Variants in BNC2 observed in about 807,000 individuals in gnomAD.
The protein encoded by BNC2 is zinc finger protein basonuclin-2.
A neutral mutation model predicts 76.3 loss-of-function variants in BNC2; 20 were observed. The ratio of observed to expected loss-of-function variants is 0.26; its 90% CI spans 0.18 to 0.38. The LOEUF (loss-of-function observed/expected upper bound fraction) is 0.38. BNC2 is among the 10% of genes least tolerant of loss of function. BNC2 has a pLI of 1.00. For missense variants in BNC2, 1,382 were observed against 1,399.8 expected (o/e 0.99, Z 0.20); for synonymous variants, 582 against 514.8 (o/e 1.13, Z -1.77).
At chr9:16,707,076 C>A (rs988231156) in intron 3 of BNC2, among the ~76,000 whole-genome samples, 1 of 152,092 alleles carries the variant, frequency 6.6e-6, no homozygotes, top group African/African-American at 2.4e-5. Context: ...ATGGTGGGCG[C>A]CTGTAGTCCC....
chr9:16,502,581 A>C (rs1177714236), intron 5 of BNC2, among the ~76,000 whole-genome samples: 1 of 151,822 alleles, frequency 6.6e-6, no homozygotes, highest in African/African-American at 2.4e-5. Context: ...CTTGGGGTGA[A>C]TGGCTTACTT....
In BNC2 at chr9:16,746,346, T is replaced by A. The variant is rs142092156; in HGVS notation, c.4-7861A>T. Among the ~76,000 whole-genome samples the A allele has an allele frequency of 3.7e-3, 561 of 152,092 alleles. 5 individuals carry two copies. The highest frequency in any genetic ancestry group is 0.013 in the African/African-American group (532 of 41,540). ...CCCACATTTAACCCTATGAATCTTA[T>A]TAAACTCGTTTTTGTTTTTTGTTTG... On this transcript the variant is annotated intron_variant, in intron 1 of 6. Coordinates refer to ENST00000380672, the MANE Select transcript of BNC2 (RefSeq NM_017637.6).
chr9:16,851,524 T>C lies in BNC2; in HGVS notation c.3+19122A>G, dbSNP rs556546546. Among the ~76,000 whole-genome samples, 193 of 152,164 alleles carry C rather than the reference T, an allele frequency of 1.3e-3. 3 individuals are homozygous for C. Among genetic ancestry groups the C allele is most frequent in the African/African-American group, 4.2e-3 (175 of 41,514 alleles). ...CTGTCTCAAAAAAATAAAAATAAAA[T>C]GAAAACATAACTAGACTTTCTTCCA... On this transcript the variant is annotated intron_variant, in intron 1 of 6. Transcript: ENST00000380672.
intron 5 of BNC2, among the ~76,000 whole-genome samples, chr9:16,521,598 A>G (rs942697465): frequency 2.0e-5 from 3 of 152,214 alleles, no homozygotes; most frequent in African/African-American, 7.2e-5. Context: ...CGGGAATTAA[A>G]GACTCACCAA....
intron 1 of BNC2, among the ~76,000 whole-genome samples, chr9:16,866,469 T>C (rs1156708221): frequency 1.3e-5 from 2 of 151,914 alleles, no homozygotes; most frequent in Non-Finnish European, 2.9e-5. Flanking sequence ...CTCTGAAGAC[T>C]GGCCTCCTAA....
chr9:16,641,539 G>C (rs1821491986), intron 3 of BNC2, among the ~76,000 whole-genome samples: 1 of 152,188 alleles, frequency 6.6e-6, no homozygotes, highest in African/African-American at 2.4e-5. Flanking sequence ...AGTCTAATTT[G>C]CTAGACTGTT....
intron 5 of BNC2, 118 bp downstream of exon 5, chr9:16,552,412 C>A: frequency 1.2e-6 from 1 of 847,276 alleles, no homozygotes; most frequent in Middle Eastern, 3.2e-4. Context: ...CCTGCTGAAA[C>A]GACCACTTTA....
At chr9:16,421,058 A>G (rs1820699635) in intron 6 of BNC2, among the ~76,000 whole-genome samples, 1 of 152,252 alleles carries the variant, frequency 6.6e-6, no homozygotes, top group Non-Finnish European at 1.5e-5. Context: ...ACTTAAAAGT[A>G]TGGAAGACCA....
chr9:16,815,431 C>T (rs1158189091), intron 1 of BNC2, among the ~76,000 whole-genome samples: 1 of 152,192 alleles, frequency 6.6e-6, no homozygotes, highest in Non-Finnish European at 1.5e-5. Flanking sequence ...TGTAAGGATA[C>T]TACTATTCAA....
chr9:16,634,590 C>T (rs906683198), intron 3 of BNC2, among the ~76,000 whole-genome samples: 2 of 151,390 alleles, frequency 1.3e-5, no homozygotes, highest in Admixed American at 1.3e-4. Flanking sequence ...CAAGCTCTGC[C>T]TCCCGGATTC....
chr9:16,455,699 G>A (rs1309986101), intron 5 of BNC2, among the ~76,000 whole-genome samples: 2 of 151,944 alleles, frequency 1.3e-5, no homozygotes, highest in Non-Finnish European at 2.9e-5. Flanking sequence ...GGCTGAGGCA[G>A]GAGAATCGCT....
chr9:16,852,787 C>G (rs1586936627), intron 1 of BNC2, among the ~76,000 whole-genome samples: 1 of 148,496 alleles, frequency 6.7e-6, no homozygotes. Context: ...AGGGAGGAAG[C>G]CCTGCAAAAG....
chr9:16,724,659 G>A (rs1824259341), intron 3 of BNC2, among the ~76,000 whole-genome samples: 2 of 152,046 alleles, frequency 1.3e-5, no homozygotes. Flanking sequence ...GTGATTATTT[G>A]TTACTATTAG....
At chr9:16,665,213 A>G (rs1398907352) in intron 3 of BNC2, 1 of 381,716 alleles carries the variant, frequency 2.6e-6, no homozygotes, top group Admixed American at 3.4e-5. Context: ...TACTAAAAAT[A>G]GAAAAAATTA....
chr9:16,769,121 C>CT (rs1368194928), intron 1 of BNC2, among the ~76,000 whole-genome samples: 1 of 152,198 alleles, frequency 6.6e-6, no homozygotes, highest in Non-Finnish European at 1.5e-5. Flanking sequence ...ATAGTGCCTG[C>CT]TGAGGCTGCA....
chr9:16,852,412 T>A (rs1819150039), intron 1 of BNC2, among the ~76,000 whole-genome samples: 1 of 152,194 alleles, frequency 6.6e-6, no homozygotes. Flanking sequence ...GAACTCTCAA[T>A]GGTTATAATA....
intron 5 of BNC2, among the ~76,000 whole-genome samples, chr9:16,469,117 GT>G (rs1368641506): frequency 6.6e-6 from 1 of 152,126 alleles, no homozygotes; most frequent in Non-Finnish European, 1.5e-5. Context: ...AACAAACTAG[GT>G]ACTGTATATG....
intron 3 of BNC2, among the ~76,000 whole-genome samples, chr9:16,701,508 A>C (rs1587331144): frequency 6.6e-6 from 1 of 152,246 alleles, no homozygotes; most frequent in Non-Finnish European, 1.5e-5. Flanking sequence ...ATTAGTTAAC[A>C]ATTTTCATTT....
intron 1 of BNC2, among the ~76,000 whole-genome samples, chr9:16,866,374 T>C (rs988675563): frequency 2.0e-5 from 3 of 151,892 alleles, no homozygotes; most frequent in African/African-American, 7.2e-5. Flanking sequence ...AAAACCATCA[T>C]TTACAGAAAA....
Sources: gnomAD v4.1 joint callset for allele counts (sites outside exome capture counted in the v4.1 genomes callset) on GRCh38, gnomAD v4.1.1 for gene constraint, MANE v1.5 for transcripts, NCBI Gene and HGNC (gene_info 2026-07-23, HGNC 2026-07-21) for gene names.